The following CASS4 variants were observed in gnomAD, a reference collection of about 807,000 sequenced individuals.
CASS4 encodes Cas scaffold protein family member 4.
A neutral mutation model predicts 54.2 loss-of-function variants in CASS4; 22 were observed. The ratio of observed to expected loss-of-function variants is 0.41; its 90% CI spans 0.29 to 0.58. The LOEUF is 0.58. Among genes scored for constraint, CASS4 ranks in the 20% least tolerant of loss-of-function variants. CASS4 has a pLI of 0.36. For synonymous variants in CASS4, 409 were observed against 391.5 expected (o/e 1.04, Z -0.53); for missense variants, 854 against 986.7 (o/e 0.87, Z 1.80).
rs374839476 is a variant in CASS4 at position 56,454,859 on chromosome 20, T to C, written c.1953+1730T>C. ...GACCCACATGGGCGAGAGTTCGTTT[T>C]TGTGATTCTTTGTCCTTTATTTTAG... On this transcript the variant is annotated intron_variant, in intron 5 of 5. Coordinates refer to ENST00000679887, the MANE Select transcript of CASS4 (RefSeq NM_020356.4). Among the ~76,000 whole-genome samples, 38 of 152,358 alleles carry C rather than the reference T, an allele frequency of 2.5e-4. 1 individual carries two copies. Among genetic ancestry groups the C allele is most frequent in the Admixed American group, 4.6e-4 (7 of 15,304 alleles).
Position 56,458,820 on chromosome 20 carries a change from T to G in CASS4, c.*73T>G. 2 of 1,418,876 alleles carry G rather than the reference T, an allele frequency of 1.4e-6. No homozygotes were observed. Among genetic ancestry groups the G allele is most frequent in the Non-Finnish European group, 1.9e-6 (2 of 1,059,548 alleles). The allele number at this position is 1,418,876 out of a possible 1,614,324, so 87.9% of individuals were successfully genotyped here. ...CCACAACTTGTGCAACTCTGCCCTATGGGAAAAGCCAGCCGGGGCATACAC... is the reference window on the plus strand; with the variant it reads ...CCACAACTTGTGCAACTCTGCCCTAGGGGAAAAGCCAGCCGGGGCATACAC... On this transcript the variant is annotated 3_prime_UTR_variant, in exon 6 of 6. Coordinates refer to ENST00000679887, the MANE Select transcript of CASS4 (RefSeq NM_020356.4).
At position 56,451,879 on chromosome 20, in the gene CASS4, C is replaced by T. The variant is rs762636981; in HGVS notation, c.703C>T (p.Pro235Ser). ...AAGAAGAGGCGGTTACAGCACATTA[C>T]CAAATCCTCAGAAATCGGAATGGAT... is the stretch of plus-strand genomic sequence containing the variant. ...TLRRGGYSTL[P>S]NPQKSEWIYD... is the part of the protein sequence containing the mutation. Residue 235 changes from proline (P) to serine (S), a missense_variant, in exon 5 of 6, where the codon CCA becomes TCA. Physicochemically the swap from Pro to Ser is moderately conservative, Grantham distance 74 (BLOSUM62 -1). Coordinates refer to ENST00000679887, the MANE Select transcript of CASS4 (RefSeq NM_020356.4). 3 of 1,614,094 alleles carry T rather than the reference C, an allele frequency of 1.9e-6. No individual in the cohort carries two copies. Among genetic ancestry groups the T allele is most frequent in the Non-Finnish European group, 2.5e-6 (3 of 1,179,984 alleles).
chr20:56,459,564 G>A lies in CASS4; in HGVS notation c.*817G>A, dbSNP rs1215153315. 5 of 208,500 alleles carry A rather than the reference G, an allele frequency of 2.4e-5. No homozygotes were observed. The highest frequency in any genetic ancestry group is 8.6e-5 in the South Asian group (1 of 11,600). The allele number at this position is 208,500 out of a possible 1,614,324, so 12.9% of individuals were successfully genotyped here. On this transcript the variant is annotated 3_prime_UTR_variant, in exon 6 of 6. Coordinates refer to ENST00000679887, the MANE Select transcript of CASS4 (RefSeq NM_020356.4). ...CTCGGTCAGGAATCACTTAATCCTG[G>A]AAGTCTTATGAGAAGACATGGCAAG...
At chr20:56,425,391 TAA>T (rs1979592452) in intron 1 of CASS4, among the ~76,000 whole-genome samples, 3 of 152,288 alleles carry the variant, frequency 2.0e-5, no homozygotes, top group African/African-American at 7.2e-5. Context: ...AAGGAAGAGG[TAA>T]ATGCTCACAA....
At chr20:56,436,460 A>G (rs1236861145) in intron 1 of CASS4, among the ~76,000 whole-genome samples, 1 of 151,182 alleles carries the variant, frequency 6.6e-6, no homozygotes, top group East Asian at 1.9e-4. Context: ...ATACATATAT[A>G]TAAATATCTC....
intron 1 of CASS4, among the ~76,000 whole-genome samples, chr20:56,425,393 A>G (rs1461700383): frequency 6.6e-6 from 1 of 152,232 alleles, no homozygotes; most frequent in Admixed American, 6.5e-5. Context: ...GGAAGAGGTA[A>G]ATGCTCACAA....
intron 1 of CASS4, among the ~76,000 whole-genome samples, chr20:56,426,399 C>G (rs1444682808): frequency 6.6e-6 from 1 of 152,148 alleles, no homozygotes; most frequent in East Asian, 1.9e-4. Flanking sequence ...ATTCCCGAGG[C>G]GTTGGCTAAA....
At chr20:56,446,752 C>T (rs1271464718) in intron 3 of CASS4, among the ~76,000 whole-genome samples, 1 of 152,048 alleles carries the variant, frequency 6.6e-6, no homozygotes, top group African/African-American at 2.4e-5. Flanking sequence ...TGCCTGTGCC[C>T]CAACCCCAGA....
Position 56,458,505 on chromosome 20 carries a change from A to C in CASS4, c.2119A>C (p.Lys707Gln). 7 of 1,614,178 alleles carry C rather than the reference A, an allele frequency of 4.3e-6. No homozygotes were observed. The highest frequency in any genetic ancestry group is 5.9e-6 in the Non-Finnish European group (7 of 1,180,040). ...GCCCGCGGAGATCATCACTCAGAGCAAGCTGGTCATCATGGTGGGACAGAA... is the reference window on the plus strand; with the variant it reads ...GCCCGCGGAGATCATCACTCAGAGCCAGCTGGTCATCATGGTGGGACAGAA... The part of the protein sequence containing the change: ...SQPAEIITQS[K>Q]LVIMVGQKLV... The change falls in exon 6 of 6, where the codon AAG (lysine) becomes CAG (glutamine). Residue 707 changes from lysine (K) to glutamine (Q), a missense_variant. Coordinates refer to ENST00000679887, the MANE Select transcript of CASS4 (RefSeq NM_020356.4).
Position 56,412,505 on chromosome 20 carries a change from T to C in CASS4, c.36+11T>C, listed in dbSNP as rs1167744495. On this transcript the variant is annotated intron_variant, in intron 1 of 5. Coordinates refer to ENST00000679887, the MANE Select transcript of CASS4 (RefSeq NM_020356.4). The surrounding 1 kb of genome is among the most constrained non-coding windows in gnomAD (Gnocchi z 4.2). ...GACTGTGCGCCCAAGGTGAGTGATG[T>C]GGGGCTGTTTGAATGGGCTCTGGCG... 1 of 1,611,294 alleles carries C rather than the reference T, an allele frequency of 6.2e-7. No homozygotes were observed. The highest frequency in any genetic ancestry group is 8.5e-7 in the Non-Finnish European group (1 of 1,178,658).
intron 5 of CASS4, among the ~76,000 whole-genome samples, chr20:56,458,014 CA>C (rs11355939): frequency 0.36 from 27,598 of 76,626 alleles, 2,965 homozygotes; most frequent in East Asian, 0.6. Flanking sequence ...AACTCTGTCT[CA>C]AAAAAAAAAA....
chr20:56,433,616 A>C (rs1034168705), intron 1 of CASS4, among the ~76,000 whole-genome samples: 1 of 152,252 alleles, frequency 6.6e-6, no homozygotes, highest in African/African-American at 2.4e-5. Flanking sequence ...GAATCTGTGA[A>C]GGAACAATTG....
intron 3 of CASS4, among the ~76,000 whole-genome samples, chr20:56,448,035 G>A (rs920066625): frequency 2.0e-5 from 3 of 151,902 alleles, no homozygotes; most frequent in Non-Finnish European, 4.4e-5. Context: ...CCAGCTACTC[G>A]GGAGGCTGAG....
intron 2 of CASS4, among the ~76,000 whole-genome samples, chr20:56,441,042 G>A (rs1314870906): frequency 6.7e-6 from 1 of 148,410 alleles, no homozygotes; most frequent in Non-Finnish European, 1.5e-5. Context: ...AGGCTGGAGT[G>A]CAGTGGCGTG....
chr20:56,445,985 G>A lies in CASS4; in HGVS notation c.545G>A (p.Gly182Asp), dbSNP rs1472309441. Residue 182 changes from glycine (G) to aspartate (D), a missense_variant, in exon 3 of 6, where the codon GGC becomes GAC. Coordinates refer to ENST00000679887, the MANE Select transcript of CASS4 (RefSeq NM_020356.4). ...TATGACGTGCCTACCCAGCACCGGG[G>A]CCCCGTGGTCCTGAAGGTGAGCCTT... ...QVYDVPTQHR[G>D]PVVLKEPEKQ... The A allele has an allele frequency of 6.2e-7, 1 of 1,613,570 alleles. No individual in the cohort carries two copies.
rs746705363 is a variant in CASS4 at position 56,458,348 on chromosome 20, C to T, written c.1962C>T (p.Gly654=). The part of the protein sequence containing the change: ...NRANICGQNP[G]PLIPQPSSQQ... ...TTCCTTCCCTTCTTTAGAATCCTGG[C>T]CCTCTTATACCTCAGCCTTCGAGTC... Residue 654 remains glycine, a synonymous_variant, in exon 6 of 6, where the codon GGC becomes GGT. Transcript: ENST00000679887. 7.5e-6 allele frequency: 12 copies of T among 1,605,178 alleles called. No homozygotes were observed. The highest frequency in any genetic ancestry group is 1.0e-5 in the Non-Finnish European group (12 of 1,172,508).
At chr20:56,454,825 T>C (rs1981211351) in intron 5 of CASS4, among the ~76,000 whole-genome samples, 1 of 152,232 alleles carries the variant, frequency 6.6e-6, no homozygotes, top group Admixed American at 6.5e-5. Flanking sequence ...AGCTCAACAT[T>C]ACAGCCATGA....
chr20:56,452,567 G>T lies in CASS4; in HGVS notation c.1391G>T (p.Arg464Met). ...GCTGGCCTGATGCTCTTTGTCAGCA[G>T]GAAGTGGAGATTCCGAGACTATCTG... ...SVAGLMLFVS[R>M]KWRFRDYLEA... Residue 464 changes from arginine to methionine, a missense_variant, in exon 5 of 6, where the codon AGG becomes ATG. Coordinates refer to ENST00000679887, the MANE Select transcript of CASS4 (RefSeq NM_020356.4). 3 of 1,614,188 alleles carry T rather than the reference G, an allele frequency of 1.9e-6. No individual in the cohort carries two copies. Among genetic ancestry groups the T allele is most frequent in the Non-Finnish European group, 2.5e-6 (3 of 1,180,038 alleles).
chr20:56,445,043 G>T (rs554152855), intron 2 of CASS4, among the ~76,000 whole-genome samples: 1 of 152,152 alleles, frequency 6.6e-6, no homozygotes, highest in East Asian at 1.9e-4. Context: ...CCAGGAGGCG[G>T]AGTTTGCAGT....
Sources: allele counts gnomAD v4.1 joint callset (sites outside exome capture counted in the v4.1 genomes callset), GRCh38; gene constraint gnomAD v4.1.1; non-coding constraint Gnocchi (gnomAD v3.1); transcripts MANE v1.5; gene names NCBI Gene and HGNC (gene_info 2026-07-23, HGNC 2026-07-21).